RGS6: variants seen among roughly 807,000 people sequenced by gnomAD.
RGS6 encodes regulator of G-protein signaling 6.
RGS6 carries 30 observed loss-of-function variants against 78.5 expected under a neutral mutation model. That is an observed-to-expected ratio of 0.38 (90% CI 0.29 to 0.52). The LOEUF is 0.52. RGS6 is among the 20% of genes least tolerant of loss of function. The pLI, the probability that RGS6 is intolerant of heterozygous loss-of-function variation, is 0.85. For missense variants in RGS6, 495 were observed against 609.7 expected, an observed-to-expected ratio of 0.81 and a Z score of 1.98; for synonymous variants, 206 against 206.0, an observed-to-expected ratio of 1.00 and a Z score of 0.00.
At chr14:72,271,157 A>G (rs2059875396) in intron 2 of RGS6, among the ~76,000 whole-genome samples, 1 of 152,148 alleles carries the variant, frequency 6.6e-6, no homozygotes, top group Non-Finnish European at 1.5e-5. Context: ...CACTGTATTA[A>G]TCTGTTCTCA....
intron 2 of RGS6, among the ~76,000 whole-genome samples, chr14:72,148,916 T>C (rs1052586102): frequency 6.6e-6 from 1 of 152,194 alleles, no homozygotes; most frequent in Non-Finnish European, 1.5e-5. Flanking sequence ...TATCTAACAT[T>C]GCATGATAAA....
intron 3 of RGS6, among the ~76,000 whole-genome samples, chr14:72,431,168 G>A (rs770868095): frequency 6.6e-6 from 1 of 152,190 alleles, no homozygotes; most frequent in Non-Finnish European, 1.5e-5. Context: ...TGGGTATGAG[G>A]ATTCTTTAGG....
chr14:72,224,458 GT>G (rs5809566), intron 2 of RGS6, among the ~76,000 whole-genome samples: 134,763 of 149,514 alleles, frequency 0.9, 60,878 homozygotes, highest in Admixed American at 0.92. Flanking sequence ...TTGGGTGTGG[GT>G]TTTTTTTTTT....
chr14:72,117,333 C>T (rs1363200846), intron 2 of RGS6, among the ~76,000 whole-genome samples: 1 of 152,032 alleles, frequency 6.6e-6, no homozygotes, highest in Non-Finnish European at 1.5e-5. Context: ...GGTGTCCTCC[C>T]TGAGGTCATG....
At chr14:71,959,932 A>T (rs2093067524) in intron 1 of RGS6, among the ~76,000 whole-genome samples, 1 of 152,222 alleles carries the variant, frequency 6.6e-6, no homozygotes, top group Admixed American at 6.5e-5. Flanking sequence ...CAAAGGCCAC[A>T]TAGTAGCCTT....
intron 3 of RGS6, among the ~76,000 whole-genome samples, chr14:72,377,398 C>T (rs1371020772): frequency 6.6e-6 from 1 of 151,998 alleles, no homozygotes; most frequent in Non-Finnish European, 1.5e-5. Context: ...ATATATAAAG[C>T]AAATATTATT....
the RGS6 span, among the ~76,000 whole-genome samples, chr14:71,892,993 T>G: frequency 1.8e-4 from 27 of 152,404 alleles, no homozygotes; most frequent in Non-Finnish European, 3.4e-4. Flanking sequence ...GGCATTTATC[T>G]GTTTTAGTCT....
rs189790966 is a variant in RGS6, at chr14:72,339,195, G to C, written c.85-12900G>C. ...ATACTGTTAAGGGGTGGGGCCCTTG[G>C]AGGTGATTAGGTCATTAGTGTTCTA... On this transcript the variant is annotated intron_variant, in intron 2 of 17. Coordinates refer to ENST00000553525, the MANE Select transcript of RGS6 (RefSeq NM_001204424.2). Among the ~76,000 whole-genome samples the C allele has an allele frequency of 1.8e-4, 27 of 152,150 alleles. No homozygotes were observed. In the East Asian group the frequency reaches 5.1e-3, roughly 29 times the overall value.
At chr14:71,907,529 G>A in the RGS6 span, among the ~76,000 whole-genome samples, 1 of 152,148 alleles carries the variant, frequency 6.6e-6, no homozygotes, top group Non-Finnish European at 1.5e-5. Flanking sequence ...AGGGTCTCGG[G>A]CACAGGTCAG....
At chr14:71,960,880 C>A (rs2093139579) in intron 1 of RGS6, among the ~76,000 whole-genome samples, 2 of 152,138 alleles carry the variant, frequency 1.3e-5, no homozygotes, top group Admixed American at 6.6e-5. Flanking sequence ...CTACTCTGTG[C>A]CATCATAATT....
At chr14:72,508,609 C>T (rs11622246) in intron 13 of RGS6, among the ~76,000 whole-genome samples, 11,913 of 112,026 alleles carry the variant, frequency 0.11, 616 homozygotes, top group South Asian at 0.19. Flanking sequence ...GTGGAATTTT[C>T]CAAGTATTGA....
At chr14:71,982,182 T>C (rs10138106) in intron 2 of RGS6, among the ~76,000 whole-genome samples, 66,856 of 151,586 alleles carry the variant, frequency 0.44, 15,133 homozygotes, top group East Asian at 0.54. Context: ...CTGCGCCCAG[T>C]GTCTGGCACT....
At chr14:72,028,518 A>T (rs1482998644) in intron 2 of RGS6, among the ~76,000 whole-genome samples, 1 of 152,226 alleles carries the variant, frequency 6.6e-6, no homozygotes, top group Admixed American at 6.5e-5. Context: ...ATAGCATGCT[A>T]ATGCTATACT....
intron 2 of RGS6, among the ~76,000 whole-genome samples, chr14:72,304,931 T>G (rs2066901852): frequency 6.6e-6 from 1 of 152,154 alleles, no homozygotes; most frequent in African/African-American, 2.4e-5. Context: ...TTTCATAGAA[T>G]GTGTACCAAT....
At chr14:71,972,843 G>T (rs981028916) in intron 2 of RGS6, among the ~76,000 whole-genome samples, 1 of 152,174 alleles carries the variant, frequency 6.6e-6, no homozygotes, top group African/African-American at 2.4e-5. Context: ...GACGTAGGGA[G>T]AATTTGAGAA....
At chr14:72,069,043 C>G (rs536030686) in intron 2 of RGS6, among the ~76,000 whole-genome samples, 1 of 151,768 alleles carries the variant, frequency 6.6e-6, no homozygotes, top group South Asian at 2.1e-4. Context: ...GCAATCTTGG[C>G]TCACTGCAAC....
intron 3 of RGS6, among the ~76,000 whole-genome samples, chr14:72,371,783 A>G (rs962595207): frequency 3.3e-5 from 5 of 152,242 alleles, no homozygotes; most frequent in African/African-American, 1.2e-4. Context: ...ATTAAATAAA[A>G]CATTCTGTTT....
chr14:71,979,547 G>A (rs1376557902), intron 2 of RGS6, among the ~76,000 whole-genome samples: 3 of 152,084 alleles, frequency 2.0e-5, no homozygotes, highest in Non-Finnish European at 4.4e-5. Flanking sequence ...GGAGCAGGTT[G>A]TTCAGTTTCC....
chr14:72,445,754 C>T (rs12436059), intron 3 of RGS6, among the ~76,000 whole-genome samples: 109,291 of 152,094 alleles, frequency 0.72, 39,604 homozygotes, highest in East Asian at 0.97. Context: ...ATGCCAGGGA[C>T]AGAACTAACA....
Sources: gnomAD v4.1 joint callset for allele counts (sites outside exome capture counted in the v4.1 genomes callset) on GRCh38, gnomAD v4.1.1 for gene constraint, MANE v1.5 for transcripts, NCBI Gene and HGNC (gene_info 2026-07-23, HGNC 2026-07-21) for gene names.